The following CCSER2 variants were observed in gnomAD, a reference collection of about 807,000 sequenced individuals.
CCSER2 encodes the protein coiled-coil serine rich protein 2.
In CCSER2, 46 loss-of-function variants were observed where a neutral mutation model predicts 92.3. The observed-to-expected ratio is 0.50, with a 90% CI of 0.39 to 0.64. The LOEUF (loss-of-function observed/expected upper bound fraction) is 0.64. CCSER2 is among the 30% of genes least tolerant of loss of function. CCSER2 has a pLI of 0.00. For missense variants in CCSER2, 1,244 were observed against 1,238.9 expected (o/e 1.00, Z -0.06); for synonymous variants, 433 against 431.4 (o/e 1.00, Z -0.04).
At chr10:84,435,670 AAAAT>A (rs1844070717) in intron 5 of CCSER2, among the ~76,000 whole-genome samples, 2 of 144,698 alleles carry the variant, frequency 1.4e-5, no homozygotes, top group Admixed American at 6.6e-5. Context: ...GAACAACAAA[AAAAT>A]AAATAACCAA....
chr10:84,483,889 AT>A (rs1481262253), intron 9 of CCSER2, among the ~76,000 whole-genome samples: 1 of 139,534 alleles, frequency 7.2e-6, no homozygotes, highest in Non-Finnish European at 1.5e-5. Context: ...TGTTCAAGAG[AT>A]TCTCCCACCT....
intron 3 of CCSER2, chr10:84,391,140 C>T: frequency 2.5e-6 from 2 of 785,174 alleles, no homozygotes; most frequent in South Asian, 1.3e-5. Context: ...AGGATCTCTT[C>T]CCTTTACCTG....
rs1205254548 is a variant in CCSER2, at chr10:84,394,727, A to G, written c.1614+20912A>G. 2.7e-4 allele frequency among the ~76,000 whole-genome samples: 3 copies of G among 11,108 alleles called. No homozygotes were observed. In the African/African-American group the frequency reaches 3.4e-3, roughly 13 times the overall value. 7.3% of individuals were successfully genotyped at this position (11,108 alleles called of 152,430 possible). On this transcript the variant is annotated intron_variant, in intron 3 of 9. Coordinates refer to ENST00000372088, the MANE Select transcript of CCSER2 (RefSeq NM_001284240.2). The stretch of plus-strand genomic sequence containing the variant: ...AATTATATTTATAAATCAGATTTTT[A>G]AAATAAGATATAACATTAAATATTA...
intron 6 of CCSER2, chr10:84,455,942 G>T (rs1845591031): frequency 1.2e-5 from 8 of 664,942 alleles, no homozygotes; most frequent in Non-Finnish European, 2.3e-5. Context: ...CTGGATTTCT[G>T]TCTCAATTTT....
At chr10:84,390,002 A>G (rs556426704) in intron 3 of CCSER2, among the ~76,000 whole-genome samples, 2 of 152,324 alleles carry the variant, frequency 1.3e-5, no homozygotes, top group African/African-American at 4.8e-5. Context: ...TTTGGGGGCT[A>G]GATGTGCTCA....
At chr10:84,342,585 T>G (rs1202945580) in intron 1 of CCSER2, among the ~76,000 whole-genome samples, 1 of 152,196 alleles carries the variant, frequency 6.6e-6, no homozygotes, top group East Asian at 1.9e-4. Flanking sequence ...AAATAAAATC[T>G]AGAATTCAAA....
chr10:84,453,365 G>T (rs1845413407), intron 6 of CCSER2, among the ~76,000 whole-genome samples: 2 of 152,050 alleles, frequency 1.3e-5, no homozygotes, highest in African/African-American at 2.4e-5. Flanking sequence ...GCCATTTTGG[G>T]CAAGACACAA....
rs547002441 is a variant in CCSER2 at position 84,484,009 on chromosome 10, T to C, written c.2325+6345T>C. On this transcript the variant is annotated intron_variant, in intron 9 of 9. Coordinates refer to ENST00000372088, the MANE Select transcript of CCSER2 (RefSeq NM_001284240.2). The stretch of plus-strand genomic sequence containing the variant: ...TATATATATATATAATTTTTTTTTT[T>C]TTTTGAGACGGAGTCTCGCTCTGTC... 8.9e-3 allele frequency among the ~76,000 whole-genome samples: 1,213 copies of C among 135,788 alleles called. 22 individuals carry two copies. Among genetic ancestry groups the C allele is most frequent in the Non-Finnish European group, 0.014 (878 of 62,896 alleles). 89.1% of individuals were successfully genotyped at this position (135,788 alleles called of 152,430 possible). A position where few individuals can be genotyped will look rare whatever the true frequency, so the allele number is the denominator to read the frequency against.
intron 5 of CCSER2, among the ~76,000 whole-genome samples, chr10:84,428,347 G>T (rs1157451461): frequency 6.6e-6 from 1 of 152,172 alleles, no homozygotes; most frequent in Non-Finnish European, 1.5e-5. Flanking sequence ...TCACGATAGG[G>T]TTCGTGCTCC....
intron 9 of CCSER2, among the ~76,000 whole-genome samples, chr10:84,483,578 G>A (rs967135139): frequency 2.0e-5 from 3 of 151,870 alleles, no homozygotes; most frequent in African/African-American, 7.3e-5. Context: ...TCTAGCAACC[G>A]TGGAAATTTA....
At chr10:84,346,752 CT>C (rs202106905) in intron 1 of CCSER2, among the ~76,000 whole-genome samples, 3 of 127,664 alleles carry the variant, frequency 2.3e-5, no homozygotes, top group Non-Finnish European at 1.7e-5. Context: ...ATCCTCATTT[CT>C]TTTTTTTTAT....
chr10:84,455,665 G>C (rs1233203469), intron 6 of CCSER2: 4 of 698,862 alleles, frequency 5.7e-6, no homozygotes, highest in Non-Finnish European at 1.1e-5. Context: ...TCAGGAGATT[G>C]TTCACAGTCA....
chr10:84,339,536 C>G (rs1444870155), intron 1 of CCSER2, among the ~76,000 whole-genome samples: 1 of 151,512 alleles, frequency 6.6e-6, no homozygotes, highest in African/African-American at 2.4e-5. Context: ...AGTGCAATGG[C>G]GTGATCTTGG....
chr10:84,355,291 T>C (rs1436390538), intron 1 of CCSER2, among the ~76,000 whole-genome samples: 1 of 152,224 alleles, frequency 6.6e-6, no homozygotes, highest in Non-Finnish European at 1.5e-5. Flanking sequence ...TTCTTATGCA[T>C]TTCTGAAACC....
intron 6 of CCSER2, among the ~76,000 whole-genome samples, chr10:84,461,661 G>GTT (rs796801624): frequency 8.7e-4 from 123 of 141,802 alleles, no homozygotes; most frequent in African/African-American, 3.1e-3. Flanking sequence ...TTTATATTCT[G>GTT]TTTTTTTTTT....
intron 1 of CCSER2, among the ~76,000 whole-genome samples, chr10:84,340,790 G>A (rs573692413): frequency 6.6e-6 from 1 of 152,072 alleles, no homozygotes; most frequent in South Asian, 2.1e-4. Context: ...TGTAGTATCT[G>A]TAGGTCTTAC....
At chr10:84,336,044 G>C (rs886714879) in intron 1 of CCSER2, among the ~76,000 whole-genome samples, 2 of 151,948 alleles carry the variant, frequency 1.3e-5, no homozygotes, top group African/African-American at 4.8e-5. Flanking sequence ...TTTTTCTCAG[G>C]TATATTTTCC....
At chr10:84,363,034 A>G (rs1845589193) in intron 1 of CCSER2, among the ~76,000 whole-genome samples, 2 of 146,860 alleles carry the variant, frequency 1.4e-5, no homozygotes, top group Non-Finnish European at 1.5e-5. Context: ...TTTAGTAGAG[A>G]TGGGGTTTTA....
intron 8 of CCSER2, among the ~76,000 whole-genome samples, chr10:84,472,620 CA>C (rs1396960681): frequency 2.6e-5 from 4 of 151,734 alleles, no homozygotes; most frequent in African/African-American, 9.7e-5. Context: ...TTATTCTCAT[CA>C]AAAATATTAG....
Sources: gnomAD v4.1 joint callset for allele counts (sites outside exome capture counted in the v4.1 genomes callset) on GRCh38, gnomAD v4.1.1 for gene constraint, MANE v1.5 for transcripts, NCBI Gene and HGNC (gene_info 2026-07-23, HGNC 2026-07-21) for gene names.